The following DEPTOR variants were observed in gnomAD, a reference collection of about 807,000 sequenced individuals.
DEPTOR encodes the protein DEP domain containing MTOR interacting protein, also known as DEP domain-containing mTOR-interacting protein.
In DEPTOR, 41 loss-of-function variants were observed where a neutral mutation model predicts 41.6. The ratio of observed to expected loss-of-function variants is 0.98; its 90% CI spans 0.77 to 1.28. The LOEUF is 1.28. Ranked by LOEUF, DEPTOR falls within the 50% of genes most tolerant of loss-of-function variation. The pLI is 0.00. For missense variants in DEPTOR, 514 were observed against 527.9 expected (o/e 0.97, Z 0.26); for synonymous variants, 195 against 192.3 (o/e 1.01, Z -0.12).
intron 4 of DEPTOR, among the ~76,000 whole-genome samples, chr8:119,968,971 G>A (rs1828598325): frequency 6.6e-6 from 1 of 152,068 alleles, no homozygotes; most frequent in African/African-American, 2.4e-5. Flanking sequence ...GTGGATGCCT[G>A]TAATCCCAGC....
chr8:119,917,744 A>G (rs1827832891), intron 1 of DEPTOR, among the ~76,000 whole-genome samples: 1 of 152,148 alleles, frequency 6.6e-6, no homozygotes, highest in Non-Finnish European at 1.5e-5. Context: ...GATTAGTAAA[A>G]GAGGAAGGAA....
intron 8 of DEPTOR, 54 bp from the exon 9 acceptor site, chr8:120,049,522 T>C: frequency 6.3e-7 from 1 of 1,587,616 alleles, no homozygotes. Flanking sequence ...TATTAAAGCT[T>C]TGTGCAAAAC....
chr8:119,950,676 A>G (rs2129924681), intron 3 of DEPTOR, among the ~76,000 whole-genome samples: 1 of 151,878 alleles, frequency 6.6e-6, no homozygotes, highest in East Asian at 1.9e-4. Context: ...GGCTCATTGC[A>G]ATCTCCGCCT....
chr8:119,942,116 G>T (rs935829243), intron 3 of DEPTOR, among the ~76,000 whole-genome samples: 8 of 152,300 alleles, frequency 5.3e-5, no homozygotes, highest in Admixed American at 4.6e-4. Flanking sequence ...AGCTGTGCTT[G>T]CCAGAAGCCA....
chr8:119,950,344 T>C (rs1211399502), intron 3 of DEPTOR, among the ~76,000 whole-genome samples: 1 of 152,248 alleles, frequency 6.6e-6, no homozygotes, highest in Admixed American at 6.5e-5. Flanking sequence ...TGTTATTATG[T>C]AGAAAGGCAG....
rs201515307 is a variant in DEPTOR, at chr8:120,049,636, G to A, written c.1162G>A (p.Val388Met). 9.9e-6 allele frequency: 16 copies of A among 1,614,000 alleles called. No homozygotes were observed. Among genetic ancestry groups the A allele is most frequent in the Non-Finnish European group, 1.2e-5 (14 of 1,179,920 alleles). The change falls in exon 9 of 9, where the codon GTG (valine) becomes ATG (methionine). Residue 388 changes from valine (V) to methionine (M), a missense_variant. By Grantham distance (21) the Val-to-Met change is conservative. Coordinates refer to ENST00000286234, the MANE Select transcript of DEPTOR (RefSeq NM_022783.4). Reference protein sequence around the residue: ...LNVLHVDYRTVSNLILTGPRT... With the variant: ...LNVLHVDYRTMSNLILTGPRT... ...TGTCCTGCATGTAGACTACCGGACCGTGAGCAATCTGATTCTGACGGGCCC... is the reference window on the plus strand; with the variant it reads ...TGTCCTGCATGTAGACTACCGGACCATGAGCAATCTGATTCTGACGGGCCC...
intron 4 of DEPTOR, among the ~76,000 whole-genome samples, chr8:119,981,268 G>A (rs962896721): frequency 2.6e-5 from 4 of 152,246 alleles, no homozygotes; most frequent in African/African-American, 9.6e-5. Flanking sequence ...TATATTTTAG[G>A]GGGAGTCTAT....
rs1586591720 is a variant in DEPTOR at position 119,873,799 on chromosome 8, A to C, written c.-48A>C. On this transcript the variant is annotated 5_prime_UTR_variant, in exon 1 of 9. Coordinates refer to ENST00000286234, the MANE Select transcript of DEPTOR (RefSeq NM_022783.4). ...AGGGCAGACTGATCCGAGCACCCAAACCCTCGGCGGACAGCGGAGCCAGTG... is the reference window on the plus strand; with the variant it reads ...AGGGCAGACTGATCCGAGCACCCAACCCCTCGGCGGACAGCGGAGCCAGTG... The C allele has an allele frequency of 6.2e-7, 1 of 1,604,494 alleles. No individual in the cohort carries two copies. The highest frequency in any genetic ancestry group is 1.3e-5 in the African/African-American group (1 of 74,208).
intron 1 of DEPTOR, among the ~76,000 whole-genome samples, chr8:119,921,748 G>GTTTTTTTTTTTTTTTTT (rs1282897659): frequency 7.6e-6 from 1 of 131,134 alleles, no homozygotes; most frequent in Non-Finnish European, 1.6e-5. Flanking sequence ...CTATTCTGTA[G>GTTTTTTTTTTTTTTTTT]TTTTTTTTTT....
At chr8:119,981,344 T>C (rs1828764473) in intron 4 of DEPTOR, among the ~76,000 whole-genome samples, 1 of 152,186 alleles carries the variant, frequency 6.6e-6, no homozygotes, top group African/African-American at 2.4e-5. Flanking sequence ...TTACCTTTGA[T>C]TTTTTAATAT....
chr8:119,916,656 T>C (rs1827819016), intron 1 of DEPTOR, among the ~76,000 whole-genome samples: 1 of 152,222 alleles, frequency 6.6e-6, no homozygotes, highest in South Asian at 2.1e-4. Flanking sequence ...AGCCCATTGC[T>C]TATATACAGG....
chr8:119,893,073 G>A (rs1364923689), intron 1 of DEPTOR, among the ~76,000 whole-genome samples: 7 of 152,104 alleles, frequency 4.6e-5, no homozygotes, highest in Admixed American at 3.9e-4. Flanking sequence ...ATGAGCCACC[G>A]CGCCTGGCAG....
chr8:119,913,113 G>A (rs1274112951), intron 1 of DEPTOR, among the ~76,000 whole-genome samples: 1 of 152,106 alleles, frequency 6.6e-6, no homozygotes, highest in Non-Finnish European at 1.5e-5. Flanking sequence ...TAGAGATGGG[G>A]TTTCACCCAG....
At chr8:119,883,257 G>A (rs956697080) in intron 1 of DEPTOR, among the ~76,000 whole-genome samples, 3 of 151,746 alleles carry the variant, frequency 2.0e-5, no homozygotes, top group Non-Finnish European at 4.4e-5. Flanking sequence ...GGCGGATCAC[G>A]AGGTCAGGAG....
At chr8:119,935,540 G>A (rs1047329694) in intron 3 of DEPTOR, among the ~76,000 whole-genome samples, 1 of 152,082 alleles carries the variant, frequency 6.6e-6, no homozygotes, top group Non-Finnish European at 1.5e-5. Flanking sequence ...GGCCAACAGG[G>A]TGAAACCCTG....
chr8:119,958,864 T>A lies in DEPTOR; in HGVS notation c.426-6368T>A, dbSNP rs1828452555. Among the ~76,000 whole-genome samples the A allele has an allele frequency of 1.3e-5, 2 of 152,090 alleles. 1 individual carries two copies. The highest frequency in any genetic ancestry group is 4.1e-4 in the South Asian group (2 of 4,824). On this transcript the variant is annotated intron_variant, in intron 3 of 8. Transcript: ENST00000286234. Reference sequence around the variant, plus strand: ...GAGCAAGTCACAAAGCTAGCCCAAGTTCAAGGGAAATAGAAATGGACTCAG... The same window carrying A: ...GAGCAAGTCACAAAGCTAGCCCAAGATCAAGGGAAATAGAAATGGACTCAG...
chr8:119,920,416 T>C (rs557351079), intron 1 of DEPTOR, among the ~76,000 whole-genome samples: 1 of 152,138 alleles, frequency 6.6e-6, no homozygotes, highest in East Asian at 1.9e-4. Context: ...TGTGGGACAA[T>C]AGAGGAGAGA....
intron 4 of DEPTOR, among the ~76,000 whole-genome samples, chr8:119,973,310 C>A (rs924547001): frequency 4.6e-5 from 7 of 152,126 alleles, no homozygotes; most frequent in African/African-American, 1.7e-4. Context: ...TCATGGCTCA[C>A]TGCAGCCTTG....
intron 1 of DEPTOR, among the ~76,000 whole-genome samples, chr8:119,914,502 C>T (rs377741004): frequency 3.3e-5 from 5 of 151,824 alleles, no homozygotes; most frequent in East Asian, 1.9e-4. Flanking sequence ...TGCAGTGGCA[C>T]GATCTTGGCT....
Sources: gnomAD v4.1 joint callset for allele counts (sites outside exome capture counted in the v4.1 genomes callset) on GRCh38, gnomAD v4.1.1 for gene constraint, MANE v1.5 for transcripts, NCBI Gene and HGNC (gene_info 2026-07-23, HGNC 2026-07-21) for gene names.